LRRC37A2: variants seen among roughly 807,000 people sequenced by gnomAD.
LRRC37A2 encodes leucine rich repeat containing 37 member A2.
Under a neutral mutation model 68.8 loss-of-function variants are expected in LRRC37A2, and 9 were observed. The observed-to-expected ratio is 0.13, with a 90% CI of 0.08 to 0.23. The LOEUF (loss-of-function observed/expected upper bound fraction) is 0.23. Ranked by LOEUF, LRRC37A2 falls within the 10% of genes least tolerant of loss-of-function variation. The pLI, the probability that LRRC37A2 is intolerant of heterozygous loss-of-function variation, is 1.00. For synonymous variants in LRRC37A2, 63 were observed against 367.6 expected (o/e 0.17, Z 9.48); for missense variants, 168 against 950.4 (o/e 0.18, Z 10.82).
chr17:46,532,121 A>G (rs1484302049), intron 6 of LRRC37A2, among the ~76,000 whole-genome samples: 2 of 149,936 alleles, frequency 1.3e-5, no homozygotes, highest in African/African-American at 2.5e-5. Context: ...CTGCTCTCGA[A>G]CTCCTAACCT....
At chr17:46,806,631 A>G in the LRRC37A2 span, among the ~76,000 whole-genome samples, 1 of 152,262 alleles carries the variant, frequency 6.6e-6, no homozygotes, top group African/African-American at 2.4e-5. Context: ...GAAAGGCTCC[A>G]GAATCCCCTA....
the LRRC37A2 span, chr17:46,830,723 C>A: frequency 2.5e-6 from 1 of 398,510 alleles, no homozygotes; most frequent in Non-Finnish European, 4.4e-6. Context: ...TGACACTTCT[C>A]ATGGCTAGAG....
At chr17:46,935,074 T>A in the LRRC37A2 span, 1 of 1,612,350 alleles carries the variant, frequency 6.2e-7, no homozygotes, top group Admixed American at 1.7e-5. Context: ...GCAGTTTAAC[T>A]CCTCCCTCCA....
At chr17:46,877,063 G>A in the LRRC37A2 span, 5 of 1,104,664 alleles carry the variant, frequency 4.5e-6, no homozygotes, top group Non-Finnish European at 5.5e-6. Context: ...ATTCCATCTT[G>A]CTTCCTGGGA....
the LRRC37A2 span, among the ~76,000 whole-genome samples, chr17:46,896,824 G>A: frequency 6.6e-6 from 1 of 152,286 alleles, no homozygotes; most frequent in African/African-American, 2.4e-5. Flanking sequence ...AAGCAGGAGG[G>A]GAGTGTGTGG....
At chr17:46,729,034 A>T in the LRRC37A2 span, 121 of 751,464 alleles carry the variant, frequency 1.6e-4, no homozygotes, top group African/African-American at 2.0e-3. Flanking sequence ...TCATAAACAT[A>T]AAATTCTGTT....
the LRRC37A2 span, chr17:46,964,703 G>C: frequency 6.6e-6 from 1 of 152,298 alleles, no homozygotes; most frequent in African/African-American, 2.4e-5. Context: ...GCCAGAGATG[G>C]GAGCTGACAG....
At chr17:46,950,377 A>G in the LRRC37A2 span, among the ~76,000 whole-genome samples, 31 of 152,172 alleles carry the variant, frequency 2.0e-4, no homozygotes, top group Non-Finnish European at 3.7e-4. Flanking sequence ...GATGGAGAGA[A>G]GGGGAGGGAA....
At chr17:46,883,756 G>A in the LRRC37A2 span, among the ~76,000 whole-genome samples, 3 of 152,302 alleles carry the variant, frequency 2.0e-5, no homozygotes, top group East Asian at 3.9e-4. Context: ...AGGATTCAGG[G>A]CGACTGGTGG....
At chr17:47,020,827 A>G in the LRRC37A2 span, among the ~76,000 whole-genome samples, 2 of 145,524 alleles carry the variant, frequency 1.4e-5, no homozygotes, top group South Asian at 2.3e-4. Flanking sequence ...GAAAGAGAAT[A>G]GGCATAAAAA....
At chr17:47,044,500 A>G in the LRRC37A2 span, among the ~76,000 whole-genome samples, 1 of 150,500 alleles carries the variant, frequency 6.6e-6, no homozygotes, top group East Asian at 2.0e-4. Flanking sequence ...GAAGTCTTCA[A>G]TGGTGAAGGG....
chr17:46,878,950 G>T, the LRRC37A2 span, among the ~76,000 whole-genome samples: 1 of 152,078 alleles, frequency 6.6e-6, no homozygotes, highest in African/African-American at 2.4e-5. Context: ...CTTCTTCCTT[G>T]CTCTCATCCC....
the LRRC37A2 span, among the ~76,000 whole-genome samples, chr17:47,001,218 T>C: frequency 8.5e-5 from 13 of 152,258 alleles, no homozygotes; most frequent in African/African-American, 2.9e-4. Context: ...GGGGTATTAA[T>C]GTCCACCTCC....
the LRRC37A2 span, among the ~76,000 whole-genome samples, chr17:46,855,102 T>A: frequency 1.2e-4 from 18 of 152,242 alleles, no homozygotes; most frequent in Middle Eastern, 6.8e-3. Context: ...ACACAGTGAA[T>A]CGGTGGGGGA....
At chr17:46,987,043 C>A in the LRRC37A2 span, among the ~76,000 whole-genome samples, 5 of 152,058 alleles carry the variant, frequency 3.3e-5, no homozygotes, top group African/African-American at 1.2e-4. Context: ...GTCAGGGGTT[C>A]AAGACCAGCC....
At chr17:46,713,482 A>G in the LRRC37A2 span, 1 of 171,358 alleles carries the variant, frequency 5.8e-6, no homozygotes, top group African/African-American at 2.4e-5. Context: ...AGCTCTTAAG[A>G]TTGTCTTTTT....
chr17:46,846,539 C>T, the LRRC37A2 span, among the ~76,000 whole-genome samples: 1 of 152,206 alleles, frequency 6.6e-6, no homozygotes, highest in Non-Finnish European at 1.5e-5. Flanking sequence ...GTTGTAGAAC[C>T]AATGTGGTGA....
the LRRC37A2 span, among the ~76,000 whole-genome samples, chr17:46,789,961 C>A: frequency 3.9e-5 from 6 of 152,190 alleles, no homozygotes; most frequent in Non-Finnish European, 7.4e-5. Context: ...CTCATCCCCC[C>A]ACGGCGCTGA....
chr17:47,017,672 T>G, the LRRC37A2 span: 2 of 1,610,746 alleles, frequency 1.2e-6, no homozygotes, highest in African/African-American at 2.7e-5. Flanking sequence ...GTTGGAGCCT[T>G]GCTGAGATTA....
Sources: gnomAD v4.1 joint callset for allele counts (sites outside exome capture counted in the v4.1 genomes callset) on GRCh38, gnomAD v4.1.1 for gene constraint, MANE v1.5 for transcripts, NCBI Gene and HGNC (gene_info 2026-07-23, HGNC 2026-07-21) for gene names.